The following MVP variants were observed in gnomAD, a reference collection of about 807,000 sequenced individuals.
The protein encoded by MVP is lung resistance-related protein.
Under a neutral mutation model 83.5 loss-of-function variants are expected in MVP, and 62 were observed. The ratio of observed to expected loss-of-function variants is 0.74; its 90% CI spans 0.61 to 0.92. The LOEUF (loss-of-function observed/expected upper bound fraction) is 0.92. MVP is among the 40% of genes least tolerant of loss of function. MVP has a pLI of 0.00. For synonymous variants in MVP, 505 were observed against 504.1 expected (o/e 1.00, Z -0.02); for missense variants, 1,000 against 1,203.4 (o/e 0.83, Z 2.50).
chr16:29,840,198 C>G lies in MVP; in HGVS notation c.930C>G (p.Leu310=). ...RVVKGEKSFF[L]QPGEQLEQGI... is the part of the protein sequence containing the mutation. Reference sequence around the variant, plus strand: ...ACTAGGGAGAGAAGTCTTTTTTCCTCCAGCCAGGAGAGCAGCTGGAACAAG... The same window carrying G: ...ACTAGGGAGAGAAGTCTTTTTTCCTGCAGCCAGGAGAGCAGCTGGAACAAG... The change falls in exon 8 of 15, where the codon CTC becomes CTG. Residue 310 remains leucine (L), a synonymous_variant. Transcript: ENST00000357402. The G allele has an allele frequency of 6.2e-7, 1 of 1,608,132 alleles. No individual in the cohort carries two copies. Among genetic ancestry groups the G allele is most frequent in the Non-Finnish European group, 8.5e-7 (1 of 1,177,166 alleles).
intron 13 of MVP, 93 bp from the exon 14 acceptor site, chr16:29,847,104 C>T: frequency 1.5e-6 from 2 of 1,359,756 alleles, no homozygotes; most frequent in Non-Finnish European, 1.0e-6. Flanking sequence ...GCAGGAGGAT[C>T]CTTTGAGCCA....
intron 6 of MVP, 104 bp from the exon 7 acceptor site, chr16:29,836,618 C>A: frequency 4.8e-6 from 4 of 841,616 alleles, no homozygotes; most frequent in Non-Finnish European, 7.3e-6. Context: ...TAGAAATTGT[C>A]TCTGAGATCT....
chr16:29,836,627 CTGGGAGCAT>C, intron 6 of MVP, 86 bp from the exon 7 acceptor site: 2 of 924,256 alleles, frequency 2.2e-6, no homozygotes, highest in South Asian at 3.5e-5. Flanking sequence ...TCTCTGAGAT[CTGGGAGCAT>C]TGGGAGCATT....
rs761298522 is a variant in MVP at position 29,833,960 on chromosome 16, G to A, written c.471G>A (p.Val157=). The A allele has an allele frequency of 5.6e-6, 9 of 1,614,106 alleles. No individual in the cohort carries two copies. In the Admixed American group the frequency reaches 1.5e-4, roughly 27 times the overall value. The change falls in exon 5 of 15, where the codon GTG becomes GTA. Residue 157 remains valine (V), a synonymous_variant. Coordinates refer to ENST00000357402, the MANE Select transcript of MVP (RefSeq NM_005115.5). ...GPGTYIPRKE[V]EVVEIIQATI... is the part of the protein sequence containing the mutation. ...GCACGTACATCCCCCGGAAGGAAGT[G>A]GAGGTCGTGGAGATCATTCAGGCCA...
intron 1 of MVP, among the ~76,000 whole-genome samples, chr16:29,825,229 C>T (rs908744700): frequency 2.6e-5 from 4 of 152,178 alleles, no homozygotes; most frequent in Admixed American, 6.5e-5. Context: ...GGCCTCTACA[C>T]TGAGAGCCGA....
chr16:29,843,261 G>C lies in MVP; in HGVS notation c.1634+1149G>C, dbSNP rs186149080. ...GATCCCAGCACTTTGGGAGGCTGTG[G>C]CAGGAGGATTGCTTGAGGCCAGGAG... On this transcript the variant is annotated intron_variant, in intron 10 of 14. Coordinates refer to ENST00000357402, the MANE Select transcript of MVP (RefSeq NM_005115.5). Among the ~76,000 whole-genome samples the C allele has an allele frequency of 3.1e-3, 478 of 151,986 alleles. 3 individuals carry two copies. Among genetic ancestry groups the C allele is most frequent in the African/African-American group, 0.011 (442 of 41,430 alleles).
At chr16:29,845,779 T>G in intron 11 of MVP, 84 bp from the exon 12 acceptor site, 7 of 1,213,222 alleles carry the variant, frequency 5.8e-6, no homozygotes, top group Non-Finnish European at 8.3e-6. Flanking sequence ...TGGGCACCGG[T>G]TTGGTTGGTG....
chr16:29,839,103 T>C (rs1163094070), intron 7 of MVP, among the ~76,000 whole-genome samples: 9 of 151,836 alleles, frequency 5.9e-5, no homozygotes, highest in Non-Finnish European at 1.0e-4. Flanking sequence ...CAGGAGAATC[T>C]CTTGAACCTG....
intron 13 of MVP, 104 bp downstream of exon 13, chr16:29,846,388 A>C: frequency 7.1e-7 from 1 of 1,417,058 alleles, no homozygotes; most frequent in Non-Finnish European, 9.3e-7. Flanking sequence ...CCCCAACATA[A>C]AGCCCTATCC....
rs2067532588 is a variant in MVP at position 29,841,321 on chromosome 16, C to T, written c.1192-275C>T. 6.6e-6 allele frequency among the ~76,000 whole-genome samples: 1 copy of T among 152,148 alleles called. No homozygotes were observed. The highest frequency in any genetic ancestry group is 1.5e-5 in the Non-Finnish European group (1 of 68,024). On this transcript the variant is annotated intron_variant, in intron 8 of 14. Transcript: ENST00000357402. This position sits in a 1 kb window ranked among gnomAD's most constrained non-coding sequence, Gnocchi z 4.7. ...TATGCCAAGAGCTGTTTGAGCTAGA[C>T]ATGTGAAGATGTCATTCACCCCTAG...
intron 7 of MVP, among the ~76,000 whole-genome samples, chr16:29,838,268 T>C (rs937062929): frequency 6.6e-5 from 10 of 151,960 alleles, no homozygotes; most frequent in Admixed American, 6.6e-4. Flanking sequence ...ACCCTTTCTC[T>C]ACTAAAAATA....
chr16:29,824,759 CAAAA>C (rs907457156), intron 1 of MVP, among the ~76,000 whole-genome samples: 5 of 151,932 alleles, frequency 3.3e-5, no homozygotes, highest in South Asian at 2.1e-4. Context: ...CCAAAAAAAA[CAAAA>C]AAGAGATTCA....
rs760914445 is a variant in MVP, at chr16:29,836,874, C to A, written c.825C>A (p.Thr275=). The change falls in exon 7 of 15, where the codon ACC becomes ACA. Residue 275 remains threonine (T), a synonymous_variant. Coordinates refer to ENST00000357402, the MANE Select transcript of MVP (RefSeq NM_005115.5). The part of the protein sequence containing the change: ...EEVLGVVPIT[T]LGPHNYCVIL... ...TGCTGGGGGTTGTGCCCATCACCAC[C>A]CTGGGCCCCCACAACTACTGCGTGA... is the stretch of plus-strand genomic sequence containing the variant. 1.9e-6 allele frequency: 3 copies of A among 1,614,058 alleles called. No individual in the cohort carries two copies. The South Asian group carries it at 3.3e-5, about 18-fold the overall frequency.
rs1317141644 is a variant in MVP at position 29,846,281 on chromosome 16, A to G, written c.2262A>G (p.Glu754=). The stretch of plus-strand genomic sequence containing the variant: ...TAAAAGCACAGGCCTTGGCCATTGA[A>G]ACGGTGAGTGGGGGGAGGCATTAAG... ...AKLKAQALAI[E]TEAELQRVQK... The change falls in exon 13 of 15, where the codon GAA becomes GAG. Residue 754 remains glutamate, a synonymous_variant. Coordinates refer to ENST00000357402, the MANE Select transcript of MVP (RefSeq NM_005115.5). 1 of 1,561,002 alleles carries G rather than the reference A, an allele frequency of 6.4e-7. No individual in the cohort carries two copies. Among genetic ancestry groups the G allele is most frequent in the Admixed American group, 1.9e-5 (1 of 51,716 alleles).
intron 10 of MVP, among the ~76,000 whole-genome samples, chr16:29,842,521 T>G (rs1474144750): frequency 1.3e-5 from 2 of 152,106 alleles, no homozygotes; most frequent in African/African-American, 4.8e-5. Flanking sequence ...GTCAGGCTGG[T>G]CTCGAACTCC....
intron 1 of MVP, among the ~76,000 whole-genome samples, chr16:29,829,454 C>CAAAA (rs34314929): frequency 9.5e-5 from 5 of 52,632 alleles, no homozygotes; most frequent in Admixed American, 2.1e-4. Context: ...GACTCCGTCT[C>CAAAA]AAAAAAAAAA....
chr16:29,836,710 G>A lies in MVP; in HGVS notation c.673-12G>A. 6.5e-7 allele frequency: 1 copy of A among 1,546,354 alleles called. No homozygotes were observed. The highest frequency in any genetic ancestry group is 1.2e-5 in the South Asian group (1 of 81,372). On this transcript the variant is annotated splice_polypyrimidine_tract_variant and intron_variant, in intron 6 of 14. Coordinates refer to ENST00000357402, the MANE Select transcript of MVP (RefSeq NM_005115.5). Reference sequence around the variant, plus strand: ...GGCAGGTCACTCAAATACCCAACATGTTGCTCTGCAGACAGCCCTGCACCT... The same window carrying A: ...GGCAGGTCACTCAAATACCCAACATATTGCTCTGCAGACAGCCCTGCACCT...
At chr16:29,823,097 T>C (rs2067375354) in intron 1 of MVP, among the ~76,000 whole-genome samples, 1 of 149,908 alleles carries the variant, frequency 6.7e-6, no homozygotes, top group Admixed American at 6.7e-5. Context: ...AGAGCAGTCA[T>C]TTTTTTTTCC....
chr16:29,829,483 G>T (rs1216229439), intron 1 of MVP: 1 of 142,440 alleles, frequency 7.0e-6, no homozygotes, highest in Non-Finnish European at 1.5e-5. Context: ...AAAAAAGTCT[G>T]ACCTGAGTCT....
Sources: allele counts gnomAD v4.1 joint callset (sites outside exome capture counted in the v4.1 genomes callset), GRCh38; gene constraint gnomAD v4.1.1; non-coding constraint Gnocchi (gnomAD v3.1); transcripts MANE v1.5; gene names NCBI Gene and HGNC (gene_info 2026-07-23, HGNC 2026-07-21).